AP3B2: variants seen among roughly 807,000 people sequenced by gnomAD.
AP3B2 encodes AP-3 complex subunit beta-2.
AP3B2 carries 50 observed loss-of-function variants against 126.9 expected under a neutral mutation model. The ratio of observed to expected loss-of-function variants is 0.39; its 90% CI spans 0.31 to 0.50. AP3B2 has a LOEUF of 0.50. AP3B2 is among the 20% of genes least tolerant of loss of function. The probability of loss-of-function intolerance (pLI) is 0.79; values close to 1 mark genes in which losing one functional copy is unlikely to be tolerated. For synonymous variants in AP3B2, 541 were observed against 565.0 expected, an observed-to-expected ratio of 0.96 and a Z score of 0.60; for missense variants, 1,177 against 1,426.4, an observed-to-expected ratio of 0.83 and a Z score of 2.82.
chr15:82,663,353 G>C, intron 21 of AP3B2, 120 bp from the exon 22 acceptor site: 1 of 1,002,056 alleles, frequency 1.0e-6, no homozygotes, highest in South Asian at 1.4e-5. Flanking sequence ...ATGGCTGCCT[G>C]GAGGCTCTCG....
intron 1 of AP3B2, among the ~76,000 whole-genome samples, chr15:82,703,155 G>A (rs1031704995): frequency 1.3e-5 from 2 of 152,176 alleles, no homozygotes; most frequent in African/African-American, 4.8e-5. Flanking sequence ...GGGGACGCCT[G>A]CTTGATTATT....
At chr15:82,704,482 CA>C (rs1470406497) in intron 1 of AP3B2, among the ~76,000 whole-genome samples, 1 of 152,202 alleles carries the variant, frequency 6.6e-6, no homozygotes, top group African/African-American at 2.4e-5. Flanking sequence ...TAAGCTGCAG[CA>C]GTCAAGCATT....
At chr15:82,709,129 A>G (rs1031875602) in intron 1 of AP3B2, among the ~76,000 whole-genome samples, 2 of 152,010 alleles carry the variant, frequency 1.3e-5, no homozygotes, top group Non-Finnish European at 2.9e-5. Context: ...GGGGAAATGA[A>G]TTTGCAGCAG....
chr15:82,693,994 C>T (rs2048591686), intron 1 of AP3B2, among the ~76,000 whole-genome samples: 1 of 150,934 alleles, frequency 6.6e-6, no homozygotes. Context: ...AGCCACTGCG[C>T]CCAGGCCTTT....
intron 4 of AP3B2, chr15:82,685,803 T>C (rs548061739): frequency 1.8e-4 from 28 of 152,250 alleles, no homozygotes; most frequent in Non-Finnish European, 3.4e-4. Context: ...GGTAGGCCTT[T>C]TGTTTCACCT....
chr15:82,689,009 G>C, intron 3 of AP3B2, 149 bp downstream of exon 3: 1 of 1,043,470 alleles, frequency 9.6e-7, no homozygotes, highest in Non-Finnish European at 1.4e-6. Flanking sequence ...TCCAGTTCAG[G>C]GACATGGAGA....
chr15:82,707,472 G>C (rs1369975181), intron 1 of AP3B2, among the ~76,000 whole-genome samples: 1 of 152,136 alleles, frequency 6.6e-6, no homozygotes, highest in African/African-American at 2.4e-5. Flanking sequence ...CTTCTGACTA[G>C]TCATACTCCT....
chr15:82,674,891 A>T (rs2048219000), intron 14 of AP3B2, among the ~76,000 whole-genome samples: 1 of 151,486 alleles, frequency 6.6e-6, no homozygotes, highest in Non-Finnish European at 1.5e-5. Flanking sequence ...CACAGTGACA[A>T]CTTGGGGGAA....
At position 82,659,495 on chromosome 15, in the gene AP3B2, G is replaced by A; in HGVS notation, c.*65C>T. 6.3e-7 allele frequency: 1 copy of A among 1,575,300 alleles called. No individual in the cohort carries two copies. The highest frequency in any genetic ancestry group is 8.7e-7 in the Non-Finnish European group (1 of 1,152,546). On this transcript the variant is annotated 3_prime_UTR_variant, in exon 27 of 27. Transcript: ENST00000535359. The stretch of plus-strand genomic sequence containing the variant: ...GAGAGAGAGAGAGAAAGATGAGAGA[G>A]ACTGACAGCCTAGGTGTCATGGGGA...
Position 82,677,354 on chromosome 15 carries a change from TGAC to T in AP3B2, c.1405_1407del (p.Val469del). 1 of 1,613,966 alleles carries T rather than the reference TGAC, an allele frequency of 6.2e-7. No homozygotes were observed. Among genetic ancestry groups the T allele is most frequent in the Non-Finnish European group, 8.5e-7 (1 of 1,179,882 alleles). ...GGCTGCATCTGTAGCAATTTCTTAA[TGAC>T]GACCACTGACTCTGCAACCACAAGC... On this transcript the variant is annotated inframe_deletion, in exon 13 of 27. Transcript: ENST00000535359.
intron 22 of AP3B2, 61 bp downstream of exon 22, chr15:82,663,066 T>G: frequency 1.3e-6 from 2 of 1,509,402 alleles, no homozygotes; most frequent in Non-Finnish European, 1.8e-6. Context: ...ATCCACACCA[T>G]AGGATGCAGC....
intron 14 of AP3B2, among the ~76,000 whole-genome samples, chr15:82,670,879 A>G (rs1321966358): frequency 6.6e-6 from 1 of 152,252 alleles, no homozygotes; most frequent in Non-Finnish European, 1.5e-5. Context: ...CCAATTTAAA[A>G]ATGGGCAAAA....
At chr15:82,671,414 T>G (rs1596174288) in intron 14 of AP3B2, among the ~76,000 whole-genome samples, 1 of 152,254 alleles carries the variant, frequency 6.6e-6, no homozygotes, top group East Asian at 1.9e-4. Context: ...TTAGTGGAAA[T>G]GTCTGGAGAA....
intron 1 of AP3B2, 37 bp downstream of exon 1, chr15:82,709,557 C>A: frequency 6.9e-7 from 1 of 1,455,776 alleles, no homozygotes; most frequent in South Asian, 1.3e-5. Context: ...GTCCCCGGCC[C>A]CAACCCTCCC....
Position 82,680,068 on chromosome 15 carries a change from TCCTC to T in AP3B2, c.1110+103_1110+106del. 6.9e-7 allele frequency: 1 copy of T among 1,455,972 alleles called. No homozygotes were observed. Among genetic ancestry groups the T allele is most frequent in the African/African-American group, 1.4e-5 (1 of 71,946 alleles). 90.2% of individuals were successfully genotyped at this position (1,455,972 alleles called of 1,614,324 possible). A position where few individuals can be genotyped will look rare whatever the true frequency, so the allele number is the denominator to read the frequency against. On this transcript the variant is annotated intron_variant, in intron 9 of 26. Transcript: ENST00000535359. The surrounding 1 kb of genome is among the most constrained non-coding windows in gnomAD (Gnocchi z 6.1). ...CCCATCCTCTGCACAGCCAGGGTAT[TCCTC>T]CATCTTCCCTTTCCCCGGCCCCGGT...
At chr15:82,688,646 C>T (rs1160317256) in intron 4 of AP3B2, 90 bp downstream of exon 4, 1 of 1,246,832 alleles carries the variant, frequency 8.0e-7, no homozygotes, top group South Asian at 1.3e-5. Flanking sequence ...GCAGAGCCCG[C>T]TCCCATGCTC....
chr15:82,680,776 G>A lies in AP3B2; in HGVS notation c.772-21C>T. The A allele has an allele frequency of 6.2e-7, 1 of 1,602,382 alleles. No homozygotes were observed. The highest frequency in any genetic ancestry group is 8.5e-7 in the Non-Finnish European group (1 of 1,174,662). ...GATTCCTGGACGGGGAGACCGACGG[G>A]TCTGTGGGCGCCTCCCCGGGACACA... On this transcript the variant is annotated intron_variant, in intron 7 of 26. Transcript: ENST00000535359. This position sits in a 1 kb window ranked among gnomAD's most constrained non-coding sequence, Gnocchi z 6.1.
In AP3B2 at chr15:82,663,215, T is replaced by A. The variant is rs762615177; in HGVS notation, c.2516A>T (p.Gln839Leu). ...DLEDFTPPSV[Q>L]PVSPPAIVST... ...CACAATTGCTGGGGGAGACACAGGC[T>A]GGACACTGGGAGGGGTGACTGTGGG... The change falls in exon 22 of 27, where the codon CAG becomes CTG. Residue 839 changes from glutamine to leucine, a missense_variant. By Grantham distance (113) the Gln-to-Leu change is moderately radical. Coordinates refer to ENST00000535359, the MANE Select transcript of AP3B2 (RefSeq NM_001278512.2). 1 of 1,613,026 alleles carries A rather than the reference T, an allele frequency of 6.2e-7. No individual in the cohort carries two copies.
intron 4 of AP3B2, chr15:82,686,575 A>G (rs1351636565): frequency 6.6e-6 from 1 of 152,216 alleles, no homozygotes; most frequent in Non-Finnish European, 1.5e-5. Context: ...GTCATTTCTT[A>G]TGGATATTCA....
Sources: allele counts gnomAD v4.1 joint callset (sites outside exome capture counted in the v4.1 genomes callset), GRCh38; gene constraint gnomAD v4.1.1; non-coding constraint Gnocchi (gnomAD v3.1); transcripts MANE v1.5; gene names NCBI Gene and HGNC (gene_info 2026-07-23, HGNC 2026-07-21).